The following AKAP9 variants were observed in gnomAD, a reference collection of about 807,000 sequenced individuals.
The protein encoded by AKAP9 is A-kinase anchor protein 9.
AKAP9 carries 311 observed loss-of-function variants against 488.5 expected under a neutral mutation model. The observed-to-expected ratio is 0.64, with a 90% CI of 0.58 to 0.70. The LOEUF is 0.70. Ranked by LOEUF, AKAP9 falls within the 30% of genes least tolerant of loss-of-function variation. The probability of loss-of-function intolerance (pLI) is 0.00; values close to 1 mark genes in which losing one functional copy is unlikely to be tolerated. For missense variants in AKAP9, 4,215 were observed against 4,374.5 expected (o/e 0.96, Z 1.03); for synonymous variants, 1,462 against 1,483.5 (o/e 0.99, Z 0.33).
chr7:92,059,540 C>T (rs1351065001), intron 22 of AKAP9, among the ~76,000 whole-genome samples: 1 of 151,470 alleles, frequency 6.6e-6, no homozygotes, highest in African/African-American at 2.4e-5. Context: ...GGAAGTAGAA[C>T]ATAGAAGCAA....
At chr7:91,954,168 T>C (rs943717994) in intron 1 of AKAP9, among the ~76,000 whole-genome samples, 2 of 152,206 alleles carry the variant, frequency 1.3e-5, no homozygotes, top group Non-Finnish European at 2.9e-5. Context: ...CAATATGTTA[T>C]ACTCCTCTGT....
At chr7:92,064,043 A>G (rs1810358691) in intron 24 of AKAP9, among the ~76,000 whole-genome samples, 1 of 152,126 alleles carries the variant, frequency 6.6e-6, no homozygotes, top group Non-Finnish European at 1.5e-5. Context: ...CTGCCTCCCA[A>G]AGTGCTGGGA....
chr7:92,023,874 T>C (rs1007556978), intron 14 of AKAP9, among the ~76,000 whole-genome samples: 8 of 152,042 alleles, frequency 5.3e-5, no homozygotes, highest in African/African-American at 1.2e-4. Flanking sequence ...GGACTTCTCA[T>C]TGGCTGTTCC....
At chr7:91,991,031 G>C (rs1428906208) in intron 3 of AKAP9, among the ~76,000 whole-genome samples, 1 of 152,064 alleles carries the variant, frequency 6.6e-6, no homozygotes, top group Non-Finnish European at 1.5e-5. Context: ...TTTAGTAGCT[G>C]TCTACCTTAT....
intron 44 of AKAP9, among the ~76,000 whole-genome samples, chr7:92,100,507 G>GT (rs1817350907): frequency 6.6e-6 from 1 of 152,120 alleles, no homozygotes. Context: ...ATACTGGCTT[G>GT]TTTTTTTCCC....
chr7:92,077,730 A>T lies in AKAP9; in HGVS notation c.6800A>T (p.Glu2267Val). The T allele has an allele frequency of 6.2e-7, 1 of 1,613,832 alleles. No individual in the cohort carries two copies. The highest frequency in any genetic ancestry group is 8.5e-7 in the Non-Finnish European group (1 of 1,179,890). Reference protein sequence around the residue: ...DMEKLGLAIKESDAMSTQDQH... With the variant: ...DMEKLGLAIKVSDAMSTQDQH... ...GAGAAACTGGGACTTGCCATAAAGG[A>T]ATCTGATGCCATGTCTACTCAAGAC... Residue 2267 changes from glutamate (E) to valine (V), a missense_variant, in exon 30 of 50, where the codon GAA becomes GTA. Physicochemically the swap from Glu to Val is moderately radical, Grantham distance 121 (BLOSUM62 -2). This residue lies in a region of AKAP9 where 1,476 missense variants were observed against 1,477.4 expected (regional missense o/e 1.00). Transcript: ENST00000356239.
intron 1 of AKAP9, among the ~76,000 whole-genome samples, chr7:91,949,894 G>T (rs1791979863): frequency 6.6e-6 from 1 of 152,034 alleles, no homozygotes; most frequent in South Asian, 2.1e-4. Context: ...TCTTATTGTG[G>T]TTTACTGTTC....
In AKAP9 at chr7:92,076,836, G is replaced by T; in HGVS notation, c.6613-19G>T. ...TTTGTATAAACATTTTTTCTCTTTTGATAATTTTGTTATTAAAGATTACAA... is the reference window on the plus strand; with the variant it reads ...TTTGTATAAACATTTTTTCTCTTTTTATAATTTTGTTATTAAAGATTACAA... On this transcript the variant is annotated intron_variant, in intron 28 of 49. Transcript: ENST00000356239. The T allele has an allele frequency of 3.7e-6, 5 of 1,352,390 alleles. No individual in the cohort carries two copies. The highest frequency in any genetic ancestry group is 5.1e-6 in the Non-Finnish European group (5 of 975,470). The allele number at this position is 1,352,390 out of a possible 1,614,324, so 83.8% of individuals were successfully genotyped here. A position where few individuals can be genotyped will look rare whatever the true frequency, so the allele number is the denominator to read the frequency against.
chr7:92,079,634 T>C lies in AKAP9; in HGVS notation c.7501T>C (p.Leu2501=). ...TTCCATAATTAATTTGGAAACAAGG[T>C]TGCTACAACTTGAGAGCACTGTTAG... ...KGSIINLETR[L]LQLESTVSAK... Residue 2501 remains leucine (L), a synonymous_variant, in exon 31 of 50, where the codon TTG becomes CTG. Coordinates refer to ENST00000356239, the MANE Select transcript of AKAP9 (RefSeq NM_005751.5). The C allele has an allele frequency of 6.2e-7, 1 of 1,613,922 alleles. No individual in the cohort carries two copies. The highest frequency in any genetic ancestry group is 8.5e-7 in the Non-Finnish European group (1 of 1,179,962).
intron 14 of AKAP9, among the ~76,000 whole-genome samples, chr7:92,028,295 T>TAAAAAAAAAAAAAA (rs57352733): frequency 7.7e-5 from 5 of 65,060 alleles, no homozygotes; most frequent in South Asian, 8.3e-4. Flanking sequence ...CAATAAATAC[T>TAAAAAAAAAAAAAA]AAAAAAAAAA....
intron 26 of AKAP9, among the ~76,000 whole-genome samples, chr7:92,068,365 C>CAAAAAAAAAAAAAAAA: frequency 2.1e-5 from 1 of 46,530 alleles, no homozygotes; most frequent in Non-Finnish European, 4.8e-5. Flanking sequence ...GACTCCGTCT[C>CAAAAAAAAAAAAAAAA]AAAAAAAAAA....
chr7:92,062,773 A>C (rs1490325692), intron 24 of AKAP9, among the ~76,000 whole-genome samples: 4 of 152,264 alleles, frequency 2.6e-5, no homozygotes, highest in Admixed American at 2.6e-4. Flanking sequence ...ATGAGGCAGG[A>C]TATTTTAAAA....
chr7:92,066,397 G>C (rs752811150), intron 25 of AKAP9, 30 bp from the exon 26 acceptor site: 1 of 1,611,046 alleles, frequency 6.2e-7, no homozygotes. Context: ...TGTTTCTTCA[G>C]CTACTATCAT....
chr7:92,012,300 GA>G (rs1023843810), intron 8 of AKAP9, 128 bp from the exon 9 acceptor site: 22 of 808,876 alleles, frequency 2.7e-5, no homozygotes, highest in African/African-American at 8.8e-5. Context: ...CACGAAGATA[GA>G]AAAAAAATTA....
intron 40 of AKAP9, among the ~76,000 whole-genome samples, chr7:92,096,294 A>T (rs1275475661): frequency 6.6e-6 from 1 of 150,902 alleles, no homozygotes; most frequent in Non-Finnish European, 1.5e-5. Context: ...CCAACATAGT[A>T]TTAATAAAGG....
Position 92,079,442 on chromosome 7 carries a change from C to G in AKAP9, c.7309C>G (p.Arg2437Gly). The change falls in exon 31 of 50, where the codon CGT (arginine) becomes GGT (glycine). Residue 2437 changes from arginine (R) to glycine (G), a missense_variant. Coordinates refer to ENST00000356239, the MANE Select transcript of AKAP9 (RefSeq NM_005751.5). ...TQELFSLKRE[R>G]ESVEKIQSIP... ...GGAATTATTCAGCTTAAAGAGAGAA[C>G]GTGAAAGTGTGGAAAAGATTCAAAG... The G allele has an allele frequency of 1.2e-6, 2 of 1,613,940 alleles. No individual in the cohort carries two copies. Among genetic ancestry groups the G allele is most frequent in the Non-Finnish European group, 8.5e-7 (1 of 1,179,974 alleles).
In AKAP9 at chr7:92,002,017, A is replaced by G; in HGVS notation, c.2100A>G (p.Ser700=). The G allele has an allele frequency of 3.1e-6, 5 of 1,611,226 alleles. No homozygotes were observed. The highest frequency in any genetic ancestry group is 4.2e-6 in the Non-Finnish European group (5 of 1,179,128). The change falls in exon 8 of 50, where the codon TCA becomes TCG. Residue 700 remains serine, a synonymous_variant. Coordinates refer to ENST00000356239, the MANE Select transcript of AKAP9 (RefSeq NM_005751.5). ...TKQNQLILEI[S]KLKDLQQSLV... is the part of the protein sequence containing the mutation. ...AGAATCAATTAATTTTGGAAATTTCAAAGCTAAAAGATTTACAGCAGTCTC... is the reference window on the plus strand; with the variant it reads ...AGAATCAATTAATTTTGGAAATTTCGAAGCTAAAAGATTTACAGCAGTCTC...
Position 92,072,711 on chromosome 7 carries a change from AGAAAAAGATAC to A in AKAP9, c.6612+1704_6612+1714del, listed in dbSNP as rs564474474. Among the ~76,000 whole-genome samples the A allele has an allele frequency of 1.7e-3, 266 of 152,336 alleles. 1 individual carries two copies. The highest frequency in any genetic ancestry group is 2.6e-3 in the Non-Finnish European group (178 of 68,028). On this transcript the variant is annotated intron_variant, in intron 28 of 49. Transcript: ENST00000356239. Reference sequence around the variant, plus strand: ...ATGGGGAAAGGAATAGAAGGATTTTAGAAAAAGATACGTTCCATAGGTTTTAGCTCTCTGTA... The same window carrying A: ...ATGGGGAAAGGAATAGAAGGATTTTAGTTCCATAGGTTTTAGCTCTCTGTA...
rs1799305924 is a variant in AKAP9, at chr7:92,002,583, A to G, written c.2666A>G (p.Tyr889Cys). 1.2e-6 allele frequency: 2 copies of G among 1,610,150 alleles called. No homozygotes were observed. Among genetic ancestry groups the G allele is most frequent in the African/African-American group, 2.7e-5 (2 of 74,670 alleles). The change falls in exon 8 of 50, where the codon TAT (tyrosine) becomes TGT (cysteine). Residue 889 changes from tyrosine (Y) to cysteine (C), a missense_variant. By Grantham distance (194) the Tyr-to-Cys change is radical (BLOSUM62 -2). Transcript: ENST00000356239. ...AGTAAAAATAAACAGGAATTAGAGT[A>G]TAAAAGTAAACTTAAAGCACTTAAT... ...EDSKNKQELE[Y>C]KSKLKALNEE... is the part of the protein sequence containing the mutation.
Sources: allele counts gnomAD v4.1 joint callset (sites outside exome capture counted in the v4.1 genomes callset), GRCh38; gene constraint gnomAD v4.1.1; regional missense constraint gnomAD v4.1.1; transcripts MANE v1.5; gene names NCBI Gene and HGNC (gene_info 2026-07-23, HGNC 2026-07-21).